CCSER1: variants seen among roughly 807,000 people sequenced by gnomAD.
The protein encoded by CCSER1 is serine-rich coiled-coil domain-containing protein 1.
Under a neutral mutation model 82.0 loss-of-function variants are expected in CCSER1, and 41 were observed. The ratio of observed to expected loss-of-function variants is 0.50; its 90% CI spans 0.39 to 0.65. The LOEUF is 0.65. Among genes scored for constraint, CCSER1 ranks in the 30% least tolerant of loss-of-function variants. CCSER1 has a pLI of 0.00. For synonymous variants in CCSER1, 414 were observed against 383.9 expected (o/e 1.08, Z -0.92); for missense variants, 1,119 against 1,064.2 (o/e 1.05, Z -0.72).
intron 1 of CCSER1, among the ~76,000 whole-genome samples, chr4:90,181,897 G>T (rs1733796592): frequency 6.6e-6 from 1 of 152,122 alleles, no homozygotes; most frequent in Admixed American, 6.6e-5. Flanking sequence ...GCCCATAAAA[G>T]AAGTCATTTG....
chr4:91,456,794 TA>T (rs1267212239), intron 10 of CCSER1, among the ~76,000 whole-genome samples: 3 of 152,154 alleles, frequency 2.0e-5, no homozygotes, highest in Admixed American at 6.6e-5. Flanking sequence ...CCAGACCCAC[TA>T]AAATACTAAT....
At position 91,403,241 on chromosome 4, in the gene CCSER1, A is replaced by T. The variant is rs564777029; in HGVS notation, c.2218-195331A>T. On this transcript the variant is annotated intron_variant, in intron 10 of 10. Transcript: ENST00000509176. The stretch of plus-strand genomic sequence containing the variant: ...GAATGCTTGTGATTTTTGTACGTTG[A>T]TTTTGTATCCTGAGACTTTGCTGAA... Among the ~76,000 whole-genome samples the T allele has an allele frequency of 3.4e-3, 525 of 152,240 alleles. 1 individual carries two copies. The highest frequency in any genetic ancestry group is 0.012 in the African/African-American group (491 of 41,544).
At chr4:90,766,650 T>G (rs72663604) in intron 7 of CCSER1, among the ~76,000 whole-genome samples, 2 of 151,822 alleles carry the variant, frequency 1.3e-5, no homozygotes, top group South Asian at 2.1e-4. Flanking sequence ...AATAAAAAAA[T>G]ATATATATAA....
intron 10 of CCSER1, among the ~76,000 whole-genome samples, chr4:91,141,578 G>A (rs754424993): frequency 1.3e-5 from 2 of 152,202 alleles, no homozygotes; most frequent in Non-Finnish European, 2.9e-5. Flanking sequence ...GAATAGTGCT[G>A]CAATGGACAT....
At chr4:90,350,080 A>C (rs1425852319) in intron 3 of CCSER1, among the ~76,000 whole-genome samples, 2 of 152,182 alleles carry the variant, frequency 1.3e-5, no homozygotes, top group African/African-American at 4.8e-5. Flanking sequence ...CCTGGCACAT[A>C]ATAGATGAAC....
chr4:91,203,003 T>A (rs1581763849), intron 10 of CCSER1, among the ~76,000 whole-genome samples: 1 of 151,730 alleles, frequency 6.6e-6, no homozygotes, highest in East Asian at 1.9e-4. Flanking sequence ...GAAAGGGCAA[T>A]GGACCTTGAA....
Position 90,933,024 on chromosome 4 carries a change from GAAAGAAAGAAAGAAAGAAAGA to G in CCSER1, c.2172+9578_2172+9598del, listed in dbSNP as rs1561385752. ...AGAAAGAAAGAAAGAAAGAAAGAAA[GAAAGAAAGAAAGAAAGAAAGA>G]GAAGGAAGGAACGAAGGAAAGAAGA... On this transcript the variant is annotated intron_variant, in intron 9 of 10. Coordinates refer to ENST00000509176, the MANE Select transcript of CCSER1 (RefSeq NM_001145065.2). 1.5e-3 allele frequency among the ~76,000 whole-genome samples: 135 copies of G among 87,544 alleles called. 48 individuals are homozygous for G. Among genetic ancestry groups the G allele is most frequent in the Non-Finnish European group, 2.2e-3 (102 of 45,838 alleles). The allele number at this position is 87,544 out of a possible 152,430, so 57.4% of individuals were successfully genotyped here. A position where few individuals can be genotyped will look rare whatever the true frequency, so the allele number is the denominator to read the frequency against.
At chr4:91,292,684 G>T (rs981658652) in intron 10 of CCSER1, among the ~76,000 whole-genome samples, 3 of 151,966 alleles carry the variant, frequency 2.0e-5, no homozygotes, top group Non-Finnish European at 2.9e-5. Context: ...GCTGTATTAG[G>T]CCTCAATGTA....
chr4:90,947,990 C>A (rs1312785619), intron 9 of CCSER1, among the ~76,000 whole-genome samples: 2 of 152,042 alleles, frequency 1.3e-5, no homozygotes, highest in Admixed American at 6.6e-5. Context: ...AATATGACCA[C>A]CTTTAATTCC....
chr4:90,484,587 A>G (rs1425648646), intron 5 of CCSER1, among the ~76,000 whole-genome samples: 1 of 152,192 alleles, frequency 6.6e-6, no homozygotes, highest in East Asian at 1.9e-4. Context: ...TTTTCCTTCT[A>G]ACAGTCAGGA....
At chr4:90,531,892 C>G (rs1230459847) in intron 5 of CCSER1, among the ~76,000 whole-genome samples, 1 of 152,096 alleles carries the variant, frequency 6.6e-6, no homozygotes, top group Non-Finnish European at 1.5e-5. Flanking sequence ...TAACAACATA[C>G]TTTCAACAGT....
At chr4:90,890,766 A>G (rs1279321973) in intron 8 of CCSER1, among the ~76,000 whole-genome samples, 2 of 152,130 alleles carry the variant, frequency 1.3e-5, no homozygotes, top group Non-Finnish European at 2.9e-5. Flanking sequence ...AATCACTTTC[A>G]CAGGAATTCT....
chr4:90,875,166 T>C (rs1417228655), intron 8 of CCSER1, among the ~76,000 whole-genome samples: 3 of 152,290 alleles, frequency 2.0e-5, no homozygotes, highest in East Asian at 3.9e-4. Context: ...TAATGATCTA[T>C]GGCATGAAGC....
chr4:90,990,912 A>ATT (rs1459198320), intron 9 of CCSER1, among the ~76,000 whole-genome samples: 1 of 151,888 alleles, frequency 6.6e-6, no homozygotes, highest in Non-Finnish European at 1.5e-5. Context: ...CTAATTCTAT[A>ATT]TTTTCATGAT....
intron 6 of CCSER1, among the ~76,000 whole-genome samples, chr4:90,712,761 G>T (rs952108781): frequency 3.7e-4 from 56 of 151,842 alleles, no homozygotes; most frequent in African/African-American, 1.4e-3. Context: ...TTATTATTGT[G>T]TGAGAGTTGA....
chr4:91,090,064 G>A (rs1397816973), intron 10 of CCSER1, among the ~76,000 whole-genome samples: 1 of 152,198 alleles, frequency 6.6e-6, no homozygotes, highest in Non-Finnish European at 1.5e-5. Flanking sequence ...TGAGCATGAA[G>A]ATGGGGGTCC....
chr4:90,630,504 G>A (rs577883622), intron 6 of CCSER1, among the ~76,000 whole-genome samples: 17 of 152,190 alleles, frequency 1.1e-4, no homozygotes, highest in South Asian at 6.2e-4. Context: ...AGGGGTATTC[G>A]AAGAAGCTGA....
chr4:90,416,632 C>T (rs1755835646), intron 4 of CCSER1, among the ~76,000 whole-genome samples: 1 of 152,088 alleles, frequency 6.6e-6, no homozygotes, highest in South Asian at 2.1e-4. Context: ...AGTTTTAATT[C>T]CTTGTTAAAG....
At chr4:90,374,593 T>C (rs1372460642) in intron 3 of CCSER1, among the ~76,000 whole-genome samples, 1 of 152,150 alleles carries the variant, frequency 6.6e-6, no homozygotes, top group Non-Finnish European at 1.5e-5. Flanking sequence ...TACTTCCCTG[T>C]CCCATATGTG....
Sources: gnomAD v4.1 joint callset for allele counts (sites outside exome capture counted in the v4.1 genomes callset) on GRCh38, gnomAD v4.1.1 for gene constraint, MANE v1.5 for transcripts, NCBI Gene and HGNC (gene_info 2026-07-23, HGNC 2026-07-21) for gene names.